EYA1: variants seen among roughly 807,000 people sequenced by gnomAD.
The protein encoded by EYA1 is protein phosphatase EYA1.
In EYA1, 16 loss-of-function variants were observed where a neutral mutation model predicts 82.0. The observed-to-expected ratio is 0.20, with a 90% CI of 0.13 to 0.30. The LOEUF is 0.30. Among genes scored for constraint, EYA1 ranks in the 10% least tolerant of loss-of-function variants. EYA1 has a pLI of 1.00. For synonymous variants in EYA1, 261 were observed against 264.4 expected (o/e 0.99, Z 0.12); for missense variants, 633 against 730.7 (o/e 0.87, Z 1.54).
rs142567506 is a variant in EYA1, at chr8:71,222,933, GCT to G, written c.1141-5912_1141-5911del. ...CTCTGTCTGCCCCACTCTGACCTGTGCTCTGTGTCCGTGGTCATGGACCCCTC... is the reference window on the plus strand; with the variant it reads ...CTCTGTCTGCCCCACTCTGACCTGTGCTGTGTCCGTGGTCATGGACCCCTC... On this transcript the variant is annotated intron_variant, in intron 12 of 17. Transcript: ENST00000340726. 4.2e-3 allele frequency among the ~76,000 whole-genome samples: 643 copies of G among 152,266 alleles called. 6 individuals are homozygous for G. Among genetic ancestry groups the G allele is most frequent in the African/African-American group, 0.015 (609 of 41,538 alleles).
At chr8:71,501,915 C>T (rs982465479) in intron 2 of EYA1, among the ~76,000 whole-genome samples, 5 of 152,162 alleles carry the variant, frequency 3.3e-5, no homozygotes, top group African/African-American at 1.2e-4. Flanking sequence ...CAACAGTAAA[C>T]ATTGTATCTT....
intron 2 of EYA1, among the ~76,000 whole-genome samples, chr8:71,436,960 T>TA (rs1322123765): frequency 3.3e-5 from 5 of 151,840 alleles, no homozygotes; most frequent in Non-Finnish European, 5.9e-5. Flanking sequence ...GAGACATTTA[T>TA]ATTTCATCTT....
intron 2 of EYA1, among the ~76,000 whole-genome samples, chr8:71,425,601 T>C (rs1805161773): frequency 6.6e-6 from 1 of 152,220 alleles, no homozygotes; most frequent in Admixed American, 6.5e-5. Context: ...AGGAGCTTAG[T>C]ATCAATAAGC....
chr8:71,406,421 G>A (rs1048225810), intron 2 of EYA1, among the ~76,000 whole-genome samples: 4 of 152,208 alleles, frequency 2.6e-5, no homozygotes, highest in Non-Finnish European at 4.4e-5. Context: ...CAGCGTGAGC[G>A]ACGCAGAAGA....
intron 11 of EYA1, among the ~76,000 whole-genome samples, chr8:71,245,638 G>A (rs370642893): frequency 6.6e-6 from 1 of 152,000 alleles, no homozygotes; most frequent in East Asian, 1.9e-4. Flanking sequence ...GAAGTCAAAA[G>A]ATTGGACAGC....
intron 2 of EYA1, among the ~76,000 whole-genome samples, chr8:71,491,154 A>G (rs1446985152): frequency 1.3e-5 from 2 of 152,244 alleles, no homozygotes; most frequent in Non-Finnish European, 2.9e-5. Flanking sequence ...GCAAGGCCAT[A>G]TGGCTAATCG....
chr8:71,379,102 C>G (rs567903704), intron 2 of EYA1, among the ~76,000 whole-genome samples: 1 of 152,156 alleles, frequency 6.6e-6, no homozygotes, highest in Admixed American at 6.5e-5. Context: ...CATGAAAGTG[C>G]AGAGAAACCT....
chr8:71,456,637 GA>G (rs773249054), intron 2 of EYA1, among the ~76,000 whole-genome samples: 2 of 148,568 alleles, frequency 1.3e-5, no homozygotes, highest in Non-Finnish European at 3.0e-5. Context: ...TGACAAACCT[GA>G]AAAAAAAACA....
At chr8:71,207,476 T>A (rs1807946646) in intron 17 of EYA1, among the ~76,000 whole-genome samples, 1 of 152,224 alleles carries the variant, frequency 6.6e-6, no homozygotes. Context: ...ATTTTACACA[T>A]CCACACAGGC....
intron 11 of EYA1, among the ~76,000 whole-genome samples, chr8:71,248,938 G>GTT (rs1327688153): frequency 2.6e-5 from 4 of 152,146 alleles, no homozygotes. Context: ...CAGGTCTTTA[G>GTT]TTTAATCTTA....
chr8:71,201,033 A>T (rs1263077379), intron 17 of EYA1, among the ~76,000 whole-genome samples: 2 of 145,900 alleles, frequency 1.4e-5, no homozygotes, highest in East Asian at 4.1e-4. Context: ...GGTATGAGAG[A>T]AAAGACTTGG....
chr8:71,459,275 C>A (rs866079374), intron 2 of EYA1, among the ~76,000 whole-genome samples: 1 of 152,142 alleles, frequency 6.6e-6, no homozygotes, highest in African/African-American at 2.4e-5. Context: ...CTTTTATTTG[C>A]GGTTCTCACT....
intron 11 of EYA1, among the ~76,000 whole-genome samples, chr8:71,258,221 T>TGC (rs1814674212): frequency 6.6e-6 from 1 of 152,206 alleles, no homozygotes; most frequent in Admixed American, 6.5e-5. Context: ...ACATTACTGT[T>TGC]TATGTATTCT....
intron 1 of EYA1, 200 bp from the exon 2 acceptor site, chr8:71,356,711 T>TC (rs1343294534): frequency 1.6e-6 from 2 of 1,247,632 alleles, no homozygotes; most frequent in East Asian, 6.4e-5. Flanking sequence ...TCTATCCTCC[T>TC]CCTCCCCTTG....
intron 1 of EYA1, among the ~76,000 whole-genome samples, chr8:71,358,588 G>A (rs1827110654): frequency 6.6e-6 from 1 of 152,130 alleles, no homozygotes; most frequent in Non-Finnish European, 1.5e-5. Context: ...TCAAGAATGC[G>A]AATGCAGACA....
chr8:71,317,784 G>A (rs1322078174), intron 6 of EYA1, 95 bp from the exon 7 acceptor site: 2 of 1,169,590 alleles, frequency 1.7e-6, no homozygotes, highest in African/African-American at 1.5e-5. Context: ...AACTACAAAT[G>A]CTTCCCCAAT....
At chr8:71,396,308 C>T (rs1456137463) in intron 2 of EYA1, among the ~76,000 whole-genome samples, 5 of 151,968 alleles carry the variant, frequency 3.3e-5, no homozygotes, top group East Asian at 1.9e-4. Flanking sequence ...CTGCTCTGAT[C>T]TTAGTTATTT....
chr8:71,530,238 G>C (rs1814157027), intron 2 of EYA1, among the ~76,000 whole-genome samples: 1 of 152,158 alleles, frequency 6.6e-6, no homozygotes, highest in Non-Finnish European at 1.5e-5. Context: ...AGATTGAAGT[G>C]CTGCAGCTAC....
chr8:71,217,128 G>A (rs1339207343), intron 12 of EYA1, 105 bp from the exon 13 acceptor site: 8 of 847,804 alleles, frequency 9.4e-6, no homozygotes, highest in Admixed American at 5.8e-5. Flanking sequence ...CTTAATTGGA[G>A]GATTTTTCAA....
Sources: gnomAD v4.1 joint callset for allele counts (sites outside exome capture counted in the v4.1 genomes callset) on GRCh38, gnomAD v4.1.1 for gene constraint, MANE v1.5 for transcripts, NCBI Gene and HGNC (gene_info 2026-07-23, HGNC 2026-07-21) for gene names.